GTF3C6: variants seen among roughly 807,000 people sequenced by gnomAD.
The protein encoded by GTF3C6 is general transcription factor IIIC subunit 6, also known as general transcription factor 3C polypeptide 6.
A neutral mutation model predicts 19.2 loss-of-function variants in GTF3C6; 11 were observed. The ratio of observed to expected loss-of-function variants is 0.57; its 90% CI spans 0.36 to 0.95. The LOEUF (loss-of-function observed/expected upper bound fraction) is 0.95. GTF3C6 is among the 40% of genes least tolerant of loss of function. The pLI, the probability that GTF3C6 is intolerant of heterozygous loss-of-function variation, is 0.01. For missense variants in GTF3C6, 222 were observed against 254.7 expected, an observed-to-expected ratio of 0.87 and a Z score of 0.87; for synonymous variants, 87 against 84.2, an observed-to-expected ratio of 1.03 and a Z score of -0.18.
intron 5 of GTF3C6, among the ~76,000 whole-genome samples, chr6:110,966,240 A>G (rs1771228115): frequency 6.6e-6 from 1 of 152,072 alleles, no homozygotes; most frequent in Non-Finnish European, 1.5e-5. Flanking sequence ...TTGGGAGGCC[A>G]AGGCAGGTGG....
intron 4 of GTF3C6, among the ~76,000 whole-genome samples, chr6:110,961,263 G>A (rs963673171): frequency 2.0e-5 from 3 of 151,432 alleles, no homozygotes; most frequent in Non-Finnish European, 2.9e-5. Flanking sequence ...CAGTTCTCCT[G>A]CCTCAGCCTC....
At chr6:110,967,387 T>A (rs1321713719) in intron 5 of GTF3C6, 123 bp from the exon 6 acceptor site, 1 of 826,322 alleles carries the variant, frequency 1.2e-6, no homozygotes, top group African/African-American at 1.7e-5. Context: ...CCATATTCCT[T>A]GGTTTATGTT....
At chr6:110,965,547 A>G (rs1356830589) in intron 5 of GTF3C6, among the ~76,000 whole-genome samples, 1 of 152,226 alleles carries the variant, frequency 6.6e-6, no homozygotes, top group Non-Finnish European at 1.5e-5. Context: ...TGTTCCTATT[A>G]TGTATATCCC....
chr6:110,964,234 T>C (rs1303366892), intron 5 of GTF3C6, among the ~76,000 whole-genome samples: 3 of 87,174 alleles, frequency 3.4e-5, no homozygotes, highest in East Asian at 1.6e-3. Flanking sequence ...TGGCTATTTC[T>C]TTTTTTTGTT....
chr6:110,959,158 C>A lies in GTF3C6; in HGVS notation c.58-14C>A. 6.3e-7 allele frequency: 1 copy of A among 1,592,566 alleles called. No homozygotes were observed. The highest frequency in any genetic ancestry group is 8.6e-7 in the Non-Finnish European group (1 of 1,160,534). ...CTCGCGTGCTAGCATGTTAACCCCT[C>A]TTTCTTTCACCAGGAGCAGTTGGTT... is the stretch of plus-strand genomic sequence containing the variant. On this transcript the variant is annotated splice_polypyrimidine_tract_variant and intron_variant, in intron 1 of 5. Coordinates refer to ENST00000329970, the MANE Select transcript of GTF3C6 (RefSeq NM_138408.4).
chr6:110,965,370 AAAT>A (rs898601556), intron 5 of GTF3C6, among the ~76,000 whole-genome samples: 36 of 152,142 alleles, frequency 2.4e-4, no homozygotes, highest in Non-Finnish European at 4.4e-4. Flanking sequence ...GGAGTTGAAA[AAAT>A]AATAATTTGA....
Position 110,960,645 on chromosome 6 carries a change from A to G in GTF3C6, c.247+29A>G, listed in dbSNP as rs146394073. ...AGTGATTGCTAGCCCAGCCCTTTTT[A>G]ATACGAACTATTTCAATCATACTTA... On this transcript the variant is annotated intron_variant, in intron 4 of 5. Transcript: ENST00000329970. The G allele has an allele frequency of 2.6e-4, 401 of 1,535,358 alleles. 1 individual carries two copies. The highest frequency in any genetic ancestry group is 3.7e-4 in the Admixed American group (22 of 59,826).
At chr6:110,960,381 G>GT (rs11354415) in intron 2 of GTF3C6, 33 bp from the exon 3 acceptor site, 75,097 of 1,352,880 alleles carry the variant, frequency 0.056, 565 homozygotes, top group South Asian at 0.11. Flanking sequence ...TTCTAATTAT[G>GT]TTTTTTTTTT....
intron 4 of GTF3C6, among the ~76,000 whole-genome samples, chr6:110,960,967 A>T (rs1388044571): frequency 6.6e-6 from 1 of 151,570 alleles, no homozygotes; most frequent in Non-Finnish European, 1.5e-5. Context: ...AATTGCTTGA[A>T]CCTGGGAGGT....
intron 5 of GTF3C6, among the ~76,000 whole-genome samples, chr6:110,966,904 C>T (rs1771236901): frequency 6.6e-6 from 1 of 152,094 alleles, no homozygotes; most frequent in African/African-American, 2.4e-5. Flanking sequence ...CCTGTGATCC[C>T]AGCACTTTGG....
chr6:110,965,761 T>G (rs564747533), intron 5 of GTF3C6, among the ~76,000 whole-genome samples: 9 of 152,288 alleles, frequency 5.9e-5, no homozygotes, highest in African/African-American at 2.2e-4. Context: ...GTCAAGTAAA[T>G]GAGCAACCAA....
rs1350312771 is a variant in GTF3C6 at position 110,960,621 on chromosome 6, G to C, written c.247+5G>C. ...TTGAAGAAAATGTTGAACATGGTAA[G>C]TGATTGCTAGCCCAGCCCTTTTTAA... On this transcript the variant is annotated splice_donor_5th_base_variant and intron_variant, in intron 4 of 5. Transcript: ENST00000329970. The C allele has an allele frequency of 6.2e-7, 1 of 1,609,790 alleles. No homozygotes were observed. The highest frequency in any genetic ancestry group is 1.1e-5 in the South Asian group (1 of 91,000).
intron 5 of GTF3C6, among the ~76,000 whole-genome samples, chr6:110,965,635 G>A (rs1274993564): frequency 6.6e-6 from 1 of 152,084 alleles, no homozygotes; most frequent in Non-Finnish European, 1.5e-5. Context: ...AAACTTGAAA[G>A]GCTGACTTGT....
intron 5 of GTF3C6, among the ~76,000 whole-genome samples, chr6:110,964,957 T>C (rs1056496356): frequency 2.7e-5 from 4 of 150,482 alleles, no homozygotes; most frequent in African/African-American, 9.8e-5. Flanking sequence ...CTCAGCCTCC[T>C]GAGTAGCTGG....
chr6:110,964,815 G>A (rs1217635713), intron 5 of GTF3C6, among the ~76,000 whole-genome samples: 2 of 148,730 alleles, frequency 1.3e-5, no homozygotes, highest in Admixed American at 6.7e-5. Flanking sequence ...CTAATTTTTA[G>A]TAGAGACGGA....
At chr6:110,959,143 A>T in intron 1 of GTF3C6, 29 bp from the exon 2 acceptor site, 1 of 1,511,908 alleles carries the variant, frequency 6.6e-7, no homozygotes, top group Non-Finnish European at 9.2e-7. Context: ...CTCGCGTGCT[A>T]GCATGTTAAC....
chr6:110,964,722 A>G (rs963035375), intron 5 of GTF3C6, among the ~76,000 whole-genome samples: 3 of 151,544 alleles, frequency 2.0e-5, no homozygotes, highest in Admixed American at 6.6e-5. Flanking sequence ...GCTCACTGCA[A>G]CCTCTGCCTC....
At chr6:110,963,021 C>G (rs1231652981) in intron 5 of GTF3C6, among the ~76,000 whole-genome samples, 1 of 152,172 alleles carries the variant, frequency 6.6e-6, no homozygotes, top group Non-Finnish European at 1.5e-5. Context: ...TCATGATCCG[C>G]CCGCCTTGGC....
chr6:110,963,855 C>A (rs577237905), intron 5 of GTF3C6, among the ~76,000 whole-genome samples: 25 of 152,200 alleles, frequency 1.6e-4, no homozygotes, highest in African/African-American at 5.8e-4. Context: ...GCATGCACCA[C>A]TAGGCCTGGA....
Sources: allele counts gnomAD v4.1 joint callset (sites outside exome capture counted in the v4.1 genomes callset), GRCh38; gene constraint gnomAD v4.1.1; transcripts MANE v1.5; gene names NCBI Gene and HGNC (gene_info 2026-07-23, HGNC 2026-07-21).